Variants in MGAT4C observed in about 807,000 individuals in gnomAD.
The protein encoded by MGAT4C is MGAT4 family member C.
A neutral mutation model predicts 40.1 loss-of-function variants in MGAT4C; 19 were observed. The observed-to-expected ratio is 0.47, with a 90% CI of 0.33 to 0.70. The LOEUF (loss-of-function observed/expected upper bound fraction) is 0.70, where lower values mean the gene tolerates loss of function less well. MGAT4C is among the 30% of genes least tolerant of loss of function. The pLI is 0.02. For synonymous variants in MGAT4C, 181 were observed against 187.1 expected (o/e 0.97, Z 0.27); for missense variants, 491 against 563.2 (o/e 0.87, Z 1.30).
chr12:86,366,688 A>T (rs1460725988), intron 3 of MGAT4C, among the ~76,000 whole-genome samples: 1 of 152,140 alleles, frequency 6.6e-6, no homozygotes, highest in Non-Finnish European at 1.5e-5. Flanking sequence ...ATACACACCT[A>T]ACAAATCTGC....
At chr12:86,303,294 C>A (rs1953858677) in intron 4 of MGAT4C, among the ~76,000 whole-genome samples, 1 of 150,388 alleles carries the variant, frequency 6.6e-6, no homozygotes, top group South Asian at 2.1e-4. Context: ...TGAAACCATG[C>A]CAGCCTCTCT....
intron 4 of MGAT4C, among the ~76,000 whole-genome samples, chr12:86,286,011 G>A (rs1953344579): frequency 6.6e-6 from 1 of 151,690 alleles, no homozygotes; most frequent in South Asian, 2.1e-4. Flanking sequence ...TTATTTTAAG[G>A]GTGATAAAGT....
intron 2 of MGAT4C, among the ~76,000 whole-genome samples, chr12:86,556,710 A>T (rs1051742643): frequency 6.6e-6 from 1 of 152,224 alleles, no homozygotes; most frequent in African/African-American, 2.4e-5. Context: ...TTAAAATGTT[A>T]AATAAACCCA....
At chr12:86,260,003 T>C (rs1173634418), upstream of MGAT4C, among the ~76,000 whole-genome samples, 1 of 94,606 alleles carries the variant, frequency 1.1e-5, no homozygotes, top group Non-Finnish European at 2.2e-5. Context: ...AATTTTAATG[T>C]AGGCATTTTA....
chr12:86,188,583 G>A (rs1889030229), intron 1 of MGAT4C, among the ~76,000 whole-genome samples: 1 of 151,886 alleles, frequency 6.6e-6, no homozygotes, highest in African/African-American at 2.4e-5. Context: ...AAGTTCAAAA[G>A]AAATAAGAAA....
rs140760940 is a variant in MGAT4C, at chr12:86,709,016, G to A, written c.-229+18193C>T. Among the ~76,000 whole-genome samples the A allele has an allele frequency of 3.3e-3, 498 of 152,236 alleles. 3 individuals are homozygous for A. The highest frequency in any genetic ancestry group is 0.011 in the African/African-American group (476 of 41,544). On this transcript the variant is annotated intron_variant, in intron 2 of 7. Coordinates refer to the MGAT4C transcript ENST00000548651. ...GAAGGCATGATTAGTTTTGAAATGT[G>A]AGGACATGAGATTTGGGAGGGGCCA...
intron 4 of MGAT4C, among the ~76,000 whole-genome samples, chr12:86,313,423 A>C (rs1385798899): frequency 2.0e-5 from 3 of 152,128 alleles, no homozygotes; most frequent in African/African-American, 7.2e-5. Flanking sequence ...ATTTAGCCGT[A>C]AGTAACTCAT....
intron 2 of MGAT4C, among the ~76,000 whole-genome samples, chr12:86,609,079 TA>T (rs1362537234): frequency 6.6e-6 from 1 of 152,122 alleles, no homozygotes; most frequent in Non-Finnish European, 1.5e-5. Context: ...AATGCATTAT[TA>T]GGGTACACAT....
chr12:86,408,479 C>CTATATATATATATATA (rs71076198), intron 3 of MGAT4C, among the ~76,000 whole-genome samples: 6 of 63,364 alleles, frequency 9.5e-5, no homozygotes, highest in African/African-American at 4.7e-4. Context: ...CTCTCTCTCT[C>CTATATATATATATATA]TATATATATA....
intron 2 of MGAT4C, among the ~76,000 whole-genome samples, chr12:86,646,025 A>G (rs182314269): frequency 6.6e-6 from 1 of 152,000 alleles, no homozygotes; most frequent in African/African-American, 2.4e-5. Flanking sequence ...TCAAGTGATA[A>G]ATTTAGAAGC....
At chr12:86,167,817 C>T (rs1886352251) in intron 1 of MGAT4C, among the ~76,000 whole-genome samples, 1 of 152,120 alleles carries the variant, frequency 6.6e-6, no homozygotes. Context: ...CTTTGGAGGA[C>T]CCATTCAAAC....
chr12:86,391,586 C>T (rs1028622290), intron 3 of MGAT4C, among the ~76,000 whole-genome samples: 2 of 152,058 alleles, frequency 1.3e-5, no homozygotes, highest in Non-Finnish European at 2.9e-5. Context: ...AGGCCAGGTG[C>T]AGTGGCTCAC....
chr12:86,104,312 C>A (rs572074500), intron 1 of MGAT4C, among the ~76,000 whole-genome samples: 1 of 151,194 alleles, frequency 6.6e-6, no homozygotes, highest in South Asian at 2.1e-4. Context: ...TGGTGACTCA[C>A]GCCTGTAGTC....
intron 2 of MGAT4C, among the ~76,000 whole-genome samples, chr12:86,477,370 A>G (rs1957854201): frequency 6.6e-6 from 1 of 151,980 alleles, no homozygotes; most frequent in Non-Finnish European, 1.5e-5. Flanking sequence ...TTGAGTTCTC[A>G]TGGGCATAAA....
chr12:86,075,267 G>T (rs1869462242), intron 1 of MGAT4C, among the ~76,000 whole-genome samples: 1 of 152,208 alleles, frequency 6.6e-6, no homozygotes, highest in Non-Finnish European at 1.5e-5. Context: ...ATCCAGTGGT[G>T]CAGTCAAATT....
chr12:86,243,418 T>C (rs1351937423), intron 1 of MGAT4C, among the ~76,000 whole-genome samples: 1 of 152,220 alleles, frequency 6.6e-6, no homozygotes, highest in Non-Finnish European at 1.5e-5. Context: ...TCTTGTCTTA[T>C]TCCCTCCCCT....
chr12:86,472,751 T>C (rs897247163), intron 2 of MGAT4C, among the ~76,000 whole-genome samples: 6 of 152,178 alleles, frequency 3.9e-5, no homozygotes, highest in Non-Finnish European at 7.3e-5. Flanking sequence ...TTTTGAGTCT[T>C]AGTAGTCTTA....
intron 1 of MGAT4C, among the ~76,000 whole-genome samples, chr12:86,094,034 A>G (rs1437621360): frequency 6.6e-6 from 1 of 152,186 alleles, no homozygotes; most frequent in Admixed American, 6.6e-5. Context: ...TTGCAAGGTG[A>G]ATAGGATATT....
chr12:86,045,923 A>C (rs1040034873), intron 2 of MGAT4C, among the ~76,000 whole-genome samples: 2 of 152,162 alleles, frequency 1.3e-5, no homozygotes, highest in Non-Finnish European at 2.9e-5. Flanking sequence ...TTTATCGTGT[A>C]TTTTATTAGT....
Sources: gnomAD v4.1 joint callset for allele counts (sites outside exome capture counted in the v4.1 genomes callset) on GRCh38, gnomAD v4.1.1 for gene constraint, MANE v1.5 for transcripts, NCBI Gene and HGNC (gene_info 2026-07-23, HGNC 2026-07-21) for gene names.